Variants in CAMSAP1 observed in about 807,000 individuals in gnomAD.
CAMSAP1 encodes the protein calmodulin regulated spectrin associated protein 1.
Under a neutral mutation model 143.5 loss-of-function variants are expected in CAMSAP1, and 58 were observed. The ratio of observed to expected loss-of-function variants is 0.40; its 90% CI spans 0.33 to 0.50. The LOEUF (loss-of-function observed/expected upper bound fraction) is 0.50, where lower values mean the gene tolerates loss of function less well. CAMSAP1 is among the 20% of genes least tolerant of loss of function. CAMSAP1 has a pLI of 0.45. For missense variants in CAMSAP1, 1,969 were observed against 2,115.7 expected (o/e 0.93, Z 1.36); for synonymous variants, 945 against 859.3 (o/e 1.10, Z -1.74).
chr9:135,825,067 C>T (rs530510314), intron 8 of CAMSAP1, among the ~76,000 whole-genome samples, 187 bp from the exon 9 acceptor site: 1 of 152,234 alleles, frequency 6.6e-6, no homozygotes, highest in African/African-American at 2.4e-5. Context: ...GGATGAACAT[C>T]CACACACTGC....
At chr9:135,847,227 C>T (rs1473164780) in intron 7 of CAMSAP1, among the ~76,000 whole-genome samples, 1 of 151,732 alleles carries the variant, frequency 6.6e-6, no homozygotes, top group African/African-American at 2.4e-5. Context: ...TGGTGGTGGG[C>T]ACCTGTAGTC....
intron 1 of CAMSAP1, among the ~76,000 whole-genome samples, chr9:135,896,068 A>G (rs537761229): frequency 1.3e-5 from 2 of 152,370 alleles, no homozygotes; most frequent in Admixed American, 1.3e-4. Flanking sequence ...ATATAATGTT[A>G]TTAGTAAATG....
intron 4 of CAMSAP1, 161 bp downstream of exon 4, chr9:135,866,295 G>C: frequency 1.7e-6 from 1 of 576,380 alleles, no homozygotes; most frequent in Non-Finnish European, 3.1e-6. Context: ...ACATCTCACT[G>C]AGGTGTGGAG....
At chr9:135,880,520 G>A (rs1471223555) in intron 3 of CAMSAP1, among the ~76,000 whole-genome samples, 1 of 152,134 alleles carries the variant, frequency 6.6e-6, no homozygotes, top group African/African-American at 2.4e-5. Flanking sequence ...CCAAGCTTGG[G>A]TAGGAAAACA....
At chr9:135,816,649 C>T (rs1014120154) in intron 14 of CAMSAP1, among the ~76,000 whole-genome samples, 24 of 152,130 alleles carry the variant, frequency 1.6e-4, no homozygotes, top group Non-Finnish European at 1.6e-4. Context: ...TGCAGTCCCT[C>T]GGAGGGATCT....
chr9:135,813,607 T>TG (rs1316371151), intron 16 of CAMSAP1, among the ~76,000 whole-genome samples: 1 of 152,222 alleles, frequency 6.6e-6, no homozygotes, highest in Non-Finnish European at 1.5e-5. Flanking sequence ...CCACAGCTTA[T>TG]GTGGCACAGC....
chr9:135,815,375 C>G (rs915811744), intron 15 of CAMSAP1, among the ~76,000 whole-genome samples, 160 bp from the exon 16 acceptor site: 1 of 152,146 alleles, frequency 6.6e-6, no homozygotes, highest in Non-Finnish European at 1.5e-5. Flanking sequence ...TAAATTTATT[C>G]AAAAGAATTT....
Position 135,854,636 on chromosome 9 carries a change from A to C in CAMSAP1, c.809-4175T>G, listed in dbSNP as rs1184932009. 3.3e-5 allele frequency among the ~76,000 whole-genome samples: 5 copies of C among 151,734 alleles called. No individual in the cohort carries two copies. In the East Asian group the frequency reaches 9.7e-4, roughly 29 times the overall value. On this transcript the variant is annotated intron_variant, in intron 5 of 16. Coordinates refer to ENST00000389532, the MANE Select transcript of CAMSAP1 (RefSeq NM_015447.4). ...CATCACCAGGCCAAGCTAACTTTTT[A>C]ATTTTTGGGGTCTCATTAGGTTGCC...
At chr9:135,905,992 C>T (rs1280695016) in intron 1 of CAMSAP1, among the ~76,000 whole-genome samples, 1 of 152,168 alleles carries the variant, frequency 6.6e-6, no homozygotes, top group Non-Finnish European at 1.5e-5. Context: ...TGAAAACTGT[C>T]AAAGGAAAAA....
chr9:135,893,062 CAAG>C (rs934263478), intron 1 of CAMSAP1, among the ~76,000 whole-genome samples: 1 of 151,426 alleles, frequency 6.6e-6, no homozygotes, highest in African/African-American at 2.4e-5. Context: ...CCCTGCTCCT[CAAG>C]AAGCTGCAGC....
Position 135,821,897 on chromosome 9 carries a change from CCTT to C in CAMSAP1, c.2761_2763del (p.Lys921del), listed in dbSNP as rs1284771263. 6.2e-7 allele frequency: 1 copy of C among 1,613,940 alleles called. No individual in the cohort carries two copies. The highest frequency in any genetic ancestry group is 1.1e-5 in the South Asian group (1 of 91,078). On this transcript the variant is annotated inframe_deletion, in exon 11 of 17. Transcript: ENST00000389532. This position sits in a 1 kb window ranked among gnomAD's most constrained non-coding sequence, Gnocchi z 4.6. Reference sequence around the variant, plus strand: ...AGGGGTGGGGCAGCCTCGGCCTTGCCCTTCTTCACCACATGCAGGAATGCAGCC... The same window carrying C: ...AGGGGTGGGGCAGCCTCGGCCTTGCCCTTCACCACATGCAGGAATGCAGCC...
chr9:135,892,001 G>A, intron 1 of CAMSAP1, among the ~76,000 whole-genome samples: 1 of 152,172 alleles, frequency 6.6e-6, no homozygotes. Context: ...ACAGAGAGAA[G>A]AAACTGATGG....
chr9:135,896,869 C>T (rs1231896946), intron 1 of CAMSAP1, among the ~76,000 whole-genome samples: 1 of 152,148 alleles, frequency 6.6e-6, no homozygotes, highest in Non-Finnish European at 1.5e-5. Context: ...GCCCTACCCT[C>T]ATGAATGAGA....
At chr9:135,812,797 C>A (rs945211647) in intron 16 of CAMSAP1, among the ~76,000 whole-genome samples, 7 of 152,072 alleles carry the variant, frequency 4.6e-5, no homozygotes, top group African/African-American at 1.4e-4. Context: ...GGTGAAACCC[C>A]ATCTCTACTA....
intron 5 of CAMSAP1, among the ~76,000 whole-genome samples, chr9:135,855,950 G>A (rs1474684794): frequency 6.6e-6 from 1 of 152,106 alleles, no homozygotes; most frequent in Admixed American, 6.5e-5. Flanking sequence ...TACTCGGTAG[G>A]CTGAGGCAGG....
chr9:135,851,752 T>C (rs1267433749), intron 5 of CAMSAP1, among the ~76,000 whole-genome samples: 3 of 152,264 alleles, frequency 2.0e-5, no homozygotes, highest in Non-Finnish European at 4.4e-5. Flanking sequence ...TCTATGTTGA[T>C]ACGGAGAGAT....
chr9:135,827,019 C>T (rs1835699349), intron 8 of CAMSAP1, among the ~76,000 whole-genome samples: 2 of 152,318 alleles, frequency 1.3e-5, no homozygotes, highest in South Asian at 4.1e-4. Context: ...TCTTTGAAGA[C>T]TTCACAATAC....
rs188693214 is a variant in CAMSAP1, at chr9:135,901,342, C to T, written c.160+5658G>A. ...AGTGGACTAACTCACTCACTCATAC[C>T]TGTGATCCCAGCACTTTGGGAGGCC... On this transcript the variant is annotated intron_variant, in intron 1 of 16. Coordinates refer to ENST00000389532, the MANE Select transcript of CAMSAP1 (RefSeq NM_015447.4). Among the ~76,000 whole-genome samples, 7 of 152,326 alleles carry T rather than the reference C, an allele frequency of 4.6e-5. No homozygotes were observed. The East Asian group carries it at 1.4e-3, about 29-fold the overall frequency.
intron 4 of CAMSAP1, 60 bp from the exon 5 acceptor site, chr9:135,862,668 T>G: frequency 6.7e-7 from 1 of 1,502,906 alleles, no homozygotes; most frequent in Non-Finnish European, 9.0e-7. Context: ...ACCATATATG[T>G]TACAGGCACA....
Sources: allele counts gnomAD v4.1 joint callset (sites outside exome capture counted in the v4.1 genomes callset), GRCh38; gene constraint gnomAD v4.1.1; non-coding constraint Gnocchi (gnomAD v3.1); transcripts MANE v1.5; gene names NCBI Gene and HGNC (gene_info 2026-07-23, HGNC 2026-07-21).